The following LRP1B variants were observed in gnomAD, a reference collection of about 807,000 sequenced individuals.
LRP1B encodes the protein LDL receptor related protein 1B.
LRP1B carries 217 observed loss-of-function variants against 556.6 expected under a neutral mutation model. The ratio of observed to expected loss-of-function variants is 0.39; its 90% confidence interval spans 0.35 to 0.44. The LOEUF is 0.44. Ranked by LOEUF, LRP1B falls within the 20% of genes least tolerant of loss-of-function variation. The pLI is 1.00. For synonymous variants in LRP1B, 2,047 were observed against 1,865.8 expected, an observed-to-expected ratio of 1.10 and a Z score of -2.50; for missense variants, 5,053 against 5,620.8, an observed-to-expected ratio of 0.90 and a Z score of 3.23.
chr2:140,420,227 A>T (rs941805167), intron 66 of LRP1B, among the ~76,000 whole-genome samples: 12 of 143,028 alleles, frequency 8.4e-5, no homozygotes, highest in African/African-American at 2.8e-4. Flanking sequence ...TCAGTTCAAT[A>T]AAAAAAAAGA....
At chr2:141,906,428 T>A (rs1376907539) in intron 1 of LRP1B, among the ~76,000 whole-genome samples, 3 of 152,000 alleles carry the variant, frequency 2.0e-5, no homozygotes, top group African/African-American at 7.2e-5. Flanking sequence ...ATTCAAATAT[T>A]TATATTTTTC....
chr2:141,714,334 A>G (rs1044361801), intron 2 of LRP1B, among the ~76,000 whole-genome samples: 2 of 152,184 alleles, frequency 1.3e-5, no homozygotes, highest in African/African-American at 4.8e-5. Flanking sequence ...TATTGCTGCT[A>G]ACCACAACAC....
At chr2:141,150,016 T>TGGGG (rs956701081) in intron 7 of LRP1B, among the ~76,000 whole-genome samples, 7 of 152,124 alleles carry the variant, frequency 4.6e-5, no homozygotes, top group African/African-American at 1.7e-4. Flanking sequence ...AAGAATAGAA[T>TGGGG]GGGCACCAGG....
intron 60 of LRP1B, among the ~76,000 whole-genome samples, chr2:140,466,346 A>G (rs1687548379): frequency 6.6e-6 from 1 of 152,130 alleles, no homozygotes; most frequent in Non-Finnish European, 1.5e-5. Context: ...TAATTAGACT[A>G]ACACTGCATG....
rs547158352 is a variant in LRP1B, at chr2:141,291,633, G to T, written c.344-36992C>A. Among the ~76,000 whole-genome samples the T allele has an allele frequency of 3.3e-3, 507 of 152,084 alleles. 1 individual carries two copies. Among genetic ancestry groups the T allele is most frequent in the African/African-American group, 0.012 (485 of 41,518 alleles). ...GCACTTTGGGAGGCCGAGGCAGGCG[G>T]ATCACGAGGTCAGGATATCGAGACC... On this transcript the variant is annotated intron_variant, in intron 3 of 90. Transcript: ENST00000389484.
At chr2:140,490,701 G>A (rs149855995) in intron 57 of LRP1B, among the ~76,000 whole-genome samples, 1 of 152,202 alleles carries the variant, frequency 6.6e-6, no homozygotes, top group Non-Finnish European at 1.5e-5. Context: ...ATGAAACTGT[G>A]AGTAAAAATA....
chr2:141,696,060 ATC>A (rs1313013973), intron 2 of LRP1B, among the ~76,000 whole-genome samples: 1 of 151,964 alleles, frequency 6.6e-6, no homozygotes, highest in African/African-American at 2.4e-5. Flanking sequence ...CTTTAATGTA[ATC>A]TGTTTTCCTT....
intron 1 of LRP1B, among the ~76,000 whole-genome samples, chr2:141,845,396 G>A (rs369285026): frequency 9.2e-5 from 14 of 152,038 alleles, no homozygotes; most frequent in Non-Finnish European, 1.3e-4. Flanking sequence ...TATCAAATAC[G>A]TTTCCAGTTT....
intron 6 of LRP1B, among the ~76,000 whole-genome samples, chr2:141,203,228 A>C (rs529744952): frequency 6.6e-6 from 1 of 152,320 alleles, no homozygotes; most frequent in African/African-American, 2.4e-5. Context: ...TGCCCCAATT[A>C]AAAGACACAG....
intron 3 of LRP1B, among the ~76,000 whole-genome samples, chr2:141,304,669 T>TA (rs979531137): frequency 1.4e-4 from 21 of 151,414 alleles, no homozygotes; most frequent in African/African-American, 4.8e-4. Flanking sequence ...TATATATATA[T>TA]TTTTTATTTT....
intron 2 of LRP1B, among the ~76,000 whole-genome samples, chr2:141,786,888 A>C (rs1321457343): frequency 1.3e-5 from 2 of 152,008 alleles, no homozygotes; most frequent in Non-Finnish European, 2.9e-5. Flanking sequence ...CGCTGCATAC[A>C]TTGAGATGAC....
At chr2:141,371,864 T>TC (rs1689241508) in intron 3 of LRP1B, among the ~76,000 whole-genome samples, 1 of 151,864 alleles carries the variant, frequency 6.6e-6, no homozygotes, top group Admixed American at 6.6e-5. Flanking sequence ...TTATTTTTTT[T>TC]CTCTTGCCCA....
chr2:140,550,947 A>G (rs1271735930), intron 43 of LRP1B, among the ~76,000 whole-genome samples: 4 of 152,052 alleles, frequency 2.6e-5, no homozygotes, highest in Non-Finnish European at 5.9e-5. Flanking sequence ...CCAGTGATGT[A>G]ATTAATGTCC....
At chr2:140,590,301 A>G (rs1424169040) in intron 43 of LRP1B, among the ~76,000 whole-genome samples, 2 of 145,662 alleles carry the variant, frequency 1.4e-5, no homozygotes, top group African/African-American at 2.5e-5. Flanking sequence ...CATATATAAT[A>G]TATATTTATA....
At chr2:141,385,929 T>A (rs1689820133) in intron 3 of LRP1B, among the ~76,000 whole-genome samples, 1 of 152,176 alleles carries the variant, frequency 6.6e-6, no homozygotes, top group Non-Finnish European at 1.5e-5. Flanking sequence ...CATGTCATTT[T>A]TTTACTGTTA....
chr2:140,350,331 G>A (rs1352617506), intron 77 of LRP1B, among the ~76,000 whole-genome samples: 1 of 151,994 alleles, frequency 6.6e-6, no homozygotes, highest in Non-Finnish European at 1.5e-5. Context: ...TAGTTATCAG[G>A]AGTCAGAAGA....
chr2:140,550,428 A>C (rs1033564943), intron 43 of LRP1B, among the ~76,000 whole-genome samples: 5 of 152,150 alleles, frequency 3.3e-5, no homozygotes, highest in Admixed American at 6.6e-5. Context: ...CCCAAACTTC[A>C]ACCTTTTTAG....
intron 2 of LRP1B, among the ~76,000 whole-genome samples, chr2:141,716,613 T>C (rs914017070): frequency 1.3e-5 from 2 of 152,132 alleles, no homozygotes; most frequent in Non-Finnish European, 2.9e-5. Flanking sequence ...TCACCAAACA[T>C]GCTCAAAGAA....
At chr2:140,449,455 ATGT>A (rs1466168392) in intron 63 of LRP1B, among the ~76,000 whole-genome samples, 3 of 152,138 alleles carry the variant, frequency 2.0e-5, no homozygotes, top group Non-Finnish European at 4.4e-5. Context: ...TACCCTTTAT[ATGT>A]TGTCTATCAT....
Sources: gnomAD v4.1 joint callset for allele counts (sites outside exome capture counted in the v4.1 genomes callset) on GRCh38, gnomAD v4.1.1 for gene constraint, MANE v1.5 for transcripts, NCBI Gene and HGNC (gene_info 2026-07-23, HGNC 2026-07-21) for gene names.